Variants in ZIM2 observed in about 807,000 individuals in gnomAD.
ZIM2 encodes zinc finger protein 656.
In ZIM2, 14 loss-of-function variants were observed where a neutral mutation model predicts 38.6. The ratio of observed to expected loss-of-function variants is 0.36; its 90% CI spans 0.24 to 0.57. The LOEUF (loss-of-function observed/expected upper bound fraction) is 0.57. ZIM2 is among the 20% of genes least tolerant of loss of function. The pLI is 0.81. For synonymous variants in ZIM2, 247 were observed against 245.8 expected, an observed-to-expected ratio of 1.00 and a Z score of -0.04; for missense variants, 680 against 695.1, an observed-to-expected ratio of 0.98 and a Z score of 0.24.
chr19:56,808,789 C>T (rs555202134), intron 9 of ZIM2, among the ~76,000 whole-genome samples: 1 of 152,170 alleles, frequency 6.6e-6, no homozygotes, highest in Admixed American at 6.5e-5. Context: ...TTCAGCCAGA[C>T]TCCACAAGGC....
At chr19:56,778,386 TCA>T (rs1395883910) in intron 12 of ZIM2, among the ~76,000 whole-genome samples, 1 of 152,218 alleles carries the variant, frequency 6.6e-6, no homozygotes, top group African/African-American at 2.4e-5. Context: ...ACTTTTCCAC[TCA>T]CACAGACAAA....
At chr19:56,794,236 T>C (rs1234791542) in intron 9 of ZIM2, among the ~76,000 whole-genome samples, 1 of 152,226 alleles carries the variant, frequency 6.6e-6, no homozygotes, top group African/African-American at 2.4e-5. Flanking sequence ...AAGTGATTTT[T>C]ATAGGTGATT....
chr19:56,780,993 C>G (rs2145853822), intron 11 of ZIM2, among the ~76,000 whole-genome samples: 1 of 152,242 alleles, frequency 6.6e-6, no homozygotes, highest in African/African-American at 2.4e-5. Flanking sequence ...CAAGGGCTCA[C>G]AAGATAGAAA....
Position 56,824,404 on chromosome 19 carries a change from C to G in ZIM2, c.-127G>C. 6.2e-7 allele frequency: 1 copy of G among 1,614,146 alleles called. No individual in the cohort carries two copies. Among genetic ancestry groups the G allele is most frequent in the Admixed American group, 1.7e-5 (1 of 60,026 alleles). On this transcript the variant is annotated 5_prime_UTR_variant, in exon 4 of 13. Coordinates refer to ENST00000629319, the MANE Select transcript of ZIM2 (RefSeq NM_001387356.1). ...GCTCAAGGACCAAGAGCTCGATGAT[C>G]TCCTCCTTGGTGCGGGTCTCCGGCT...
chr19:56,813,268 CAT>C (rs2059664588), intron 9 of ZIM2: 1 of 952,466 alleles, frequency 1.0e-6, no homozygotes, highest in African/African-American at 1.8e-5. Flanking sequence ...AACTGTATAT[CAT>C]ATAAATCCAA....
chr19:56,811,738 C>T, intron 9 of ZIM2: 2 of 985,588 alleles, frequency 2.0e-6, no homozygotes, highest in South Asian at 4.7e-5. Flanking sequence ...GTTCCAACCT[C>T]AGTCCTTCCT....
chr19:56,824,494 A>G (rs771355806), intron 3 of ZIM2, 67 bp from the exon 4 acceptor site: 10 of 1,614,126 alleles, frequency 6.2e-6, no homozygotes, highest in Non-Finnish European at 6.8e-6. Flanking sequence ...CAAATTCCAC[A>G]TAGATTAGGT....
chr19:56,787,717 T>G (rs1387309232), intron 10 of ZIM2, among the ~76,000 whole-genome samples: 2 of 150,932 alleles, frequency 1.3e-5, no homozygotes, highest in Non-Finnish European at 3.0e-5. Flanking sequence ...TGGGTTTTTT[T>G]TTTTTTTTTT....
At chr19:56,782,932 A>G (rs764393344) in intron 10 of ZIM2, among the ~76,000 whole-genome samples, 1 of 151,888 alleles carries the variant, frequency 6.6e-6, no homozygotes, top group Non-Finnish European at 1.5e-5. Context: ...TAGACTCCCT[A>G]TTGTGCTATC....
intron 10 of ZIM2, 82 bp from the exon 11 acceptor site, chr19:56,782,203 G>A (rs1357215484): frequency 3.9e-6 from 6 of 1,544,654 alleles, no homozygotes; most frequent in Admixed American, 1.8e-5. Flanking sequence ...GAGCTTCCAC[G>A]TGCTCTAATC....
At chr19:56,775,594 A>G in intron 12 of ZIM2, 65 bp from the exon 13 acceptor site, 1 of 1,519,366 alleles carries the variant, frequency 6.6e-7, no homozygotes, top group Non-Finnish European at 8.8e-7. Context: ...CAATAATGAT[A>G]TTTCTATAGG....
At chr19:56,839,916 C>A (rs1452564605) in intron 1 of ZIM2, among the ~76,000 whole-genome samples, 1 of 152,272 alleles carries the variant, frequency 6.6e-6, no homozygotes, top group Non-Finnish European at 1.5e-5. Flanking sequence ...GCAGCTCCTG[C>A]GCAGCAAGCC....
At chr19:56,800,860 T>C (rs1327087114) in intron 9 of ZIM2, among the ~76,000 whole-genome samples, 1 of 152,046 alleles carries the variant, frequency 6.6e-6, no homozygotes, top group Non-Finnish European at 1.5e-5. Flanking sequence ...TGGCTATAAT[T>C]AATAAGAAAT....
At chr19:56,822,673 G>T in intron 6 of ZIM2, 80 bp downstream of exon 6, 1 of 1,555,922 alleles carries the variant, frequency 6.4e-7, no homozygotes, top group Non-Finnish European at 8.7e-7. Context: ...AAACTTCGAG[G>T]CCCTGGCACT....
Position 56,812,878 on chromosome 19 carries a change from C to T in ZIM2, c.490+4868G>A, listed in dbSNP as rs2059633170. 5 of 983,068 alleles carry T rather than the reference C, an allele frequency of 5.1e-6. No homozygotes were observed. The African/African-American group carries it at 7.1e-5, about 14-fold the overall frequency. The allele number at this position is 983,068 out of a possible 1,614,324, so 60.9% of individuals were successfully genotyped here. A position where few individuals can be genotyped will look rare whatever the true frequency, so the allele number is the denominator to read the frequency against. On this transcript the variant is annotated intron_variant, in intron 9 of 12. Transcript: ENST00000629319. ...TATTTTTGCATGAGAACCACTTCAA[C>T]AAACATAACATGTGGCAACCAATCA...
chr19:56,788,863 C>T (rs2046777236), intron 10 of ZIM2, among the ~76,000 whole-genome samples: 3 of 151,852 alleles, frequency 2.0e-5, no homozygotes, highest in Admixed American at 2.0e-4. Context: ...ATTCTTTTCT[C>T]TCTAATCTTG....
chr19:56,824,150 GC>G, intron 4 of ZIM2, 111 bp downstream of exon 4: 1 of 1,501,402 alleles, frequency 6.7e-7, no homozygotes, highest in Non-Finnish European at 8.9e-7. Context: ...CCCCACCGCT[GC>G]CCAGGACAGA....
chr19:56,831,729 A>C (rs954133684), intron 2 of ZIM2, among the ~76,000 whole-genome samples: 1 of 152,286 alleles, frequency 6.6e-6, no homozygotes, highest in South Asian at 2.1e-4. Flanking sequence ...GATTATAAAA[A>C]TAAAACACAG....
Position 56,774,934 on chromosome 19 carries a change from G to A in ZIM2, c.1431C>T (p.His477=). The A allele has an allele frequency of 1.2e-6, 2 of 1,614,184 alleles. No homozygotes were observed. The highest frequency in any genetic ancestry group is 1.7e-6 in the Non-Finnish European group (2 of 1,180,040). ...AARVLPPGLS[H]SKTYLIRYQR... ...GATAACGAATTAAGTATGTCTTGCT[G>A]TGGGACAACCCAGGAGGAAGGACTC... Residue 477 remains histidine, a synonymous_variant, in exon 13 of 13, where the codon CAC becomes CAT. Coordinates refer to ENST00000629319, the MANE Select transcript of ZIM2 (RefSeq NM_001387356.1).
Sources: gnomAD v4.1 joint callset for allele counts (sites outside exome capture counted in the v4.1 genomes callset) on GRCh38, gnomAD v4.1.1 for gene constraint, MANE v1.5 for transcripts, NCBI Gene and HGNC (gene_info 2026-07-23, HGNC 2026-07-21) for gene names.